Variants in SACS observed in about 807,000 individuals in gnomAD.
SACS encodes sacsin molecular chaperone.
Under a neutral mutation model 348.0 loss-of-function variants are expected in SACS, and 197 were observed. The ratio of observed to expected loss-of-function variants is 0.57; its 90% CI spans 0.50 to 0.64. The LOEUF is 0.64. Among genes scored for constraint, SACS ranks in the 30% least tolerant of loss-of-function variants. The pLI, the probability that SACS is intolerant of heterozygous loss-of-function variation, is 0.00. For missense variants in SACS, 4,999 were observed against 5,360.8 expected (o/e 0.93, Z 2.11); for synonymous variants, 1,985 against 1,910.6 (o/e 1.04, Z -1.02).
intron 2 of SACS, among the ~76,000 whole-genome samples, chr13:23,389,762 T>A (rs1269885091): frequency 2.6e-5 from 4 of 152,262 alleles, no homozygotes; most frequent in Admixed American, 2.6e-4. Flanking sequence ...AAATCTGTTC[T>A]TTTTGTATTC....
chr13:23,387,834 GAGGTACTATTAAGTA>G (rs1872358590), intron 2 of SACS, among the ~76,000 whole-genome samples: 1 of 152,132 alleles, frequency 6.6e-6, no homozygotes, highest in Admixed American at 6.5e-5. Flanking sequence ...ATATGGCGGT[GAGGTACTATTAAGTA>G]ATAATGTGTG....
chr13:23,354,962 C>A lies in SACS; in HGVS notation c.1650G>T (p.Glu550Asp), dbSNP rs1870248915. ...TCTGCAACAGCTCGCTGAATAGAGG[C>A]TCTAACACCGGTTGCCAGTGCACCT... ...KVKVHWQPVL[E>D]PLFSELLQNA... Residue 550 changes from glutamate (E) to aspartate (D), a missense_variant, in exon 8 of 10, where the codon GAG (glutamate) becomes GAT (aspartate). Physicochemically the swap from Glu to Asp is conservative, Grantham distance 45. Transcript: ENST00000382292. 1.2e-6 allele frequency: 2 copies of A among 1,614,228 alleles called. No homozygotes were observed. The highest frequency in any genetic ancestry group is 1.7e-5 in the Admixed American group (1 of 60,034).
chr13:23,432,713 T>G (rs1874484516), intron 1 of SACS, among the ~76,000 whole-genome samples: 1 of 152,198 alleles, frequency 6.6e-6, no homozygotes, highest in East Asian at 1.9e-4. Context: ...AATCAATTAC[T>G]TTTATCTGCA....
Position 23,337,263 on chromosome 13 carries a change from C to T in SACS, c.6613G>A (p.Asp2205Asn). 6.2e-7 allele frequency: 1 copy of T among 1,613,770 alleles called. No homozygotes were observed. Among genetic ancestry groups the T allele is most frequent in the East Asian group, 2.2e-5 (1 of 44,866 alleles). ...ATTGTTTGATATTTTGCAGCAAAAT[C>T]CTTTGCTCTAGGATCCCTTATTTTT... ...KLKIRDPRAK[D>N]FAAKYQTIRF... Residue 2205 changes from aspartate (D) to asparagine (N), a missense_variant, in exon 10 of 10, where the codon GAT becomes AAT. By Grantham distance (23) the Asp-to-Asn change is conservative. Around this residue, in one of 6 missense-constraint regions of SACS, gnomAD observed 3,156 missense variants for 3,380.1 expected, o/e 0.93. Coordinates refer to ENST00000382292, the MANE Select transcript of SACS (RefSeq NM_014363.6).
intron 2 of SACS, among the ~76,000 whole-genome samples, chr13:23,378,091 C>CA (rs1871887470): frequency 6.6e-6 from 1 of 152,124 alleles, no homozygotes; most frequent in Non-Finnish European, 1.5e-5. Context: ...TTTCTCCTTC[C>CA]AAAGAGGGCA....
chr13:23,355,089 A>G lies in SACS; in HGVS notation c.1523T>C (p.Leu508Pro). 1 of 1,614,220 alleles carries G rather than the reference A, an allele frequency of 6.2e-7. No homozygotes were observed. Among genetic ancestry groups the G allele is most frequent in the Non-Finnish European group, 8.5e-7 (1 of 1,180,036 alleles). The change falls in exon 8 of 10, where the codon CTG becomes CCG. Residue 508 changes from leucine to proline, a missense_variant. Leu to Pro is a moderately conservative substitution (Grantham distance 98, BLOSUM62 -3). Around this residue, in one of 6 missense-constraint regions of SACS, gnomAD observed 3,156 missense variants for 3,380.1 expected, o/e 0.93. Transcript: ENST00000382292. ...CAGACGTTTTATTGAATCTAAGATC[A>G]GAGTAGCATAAGCTTTGGGGACAAC... ...MNVVPKAYAT[L>P]ILDSIKRLEM...
At position 23,400,710 on chromosome 13, in the gene SACS, G is replaced by A. The variant is rs142305620; in HGVS notation, c.20+10510C>T. Among the ~76,000 whole-genome samples, 1,100 of 152,274 alleles carry A rather than the reference G, an allele frequency of 7.2e-3. 6 individuals carry two copies. Among genetic ancestry groups the A allele is most frequent in the African/African-American group, 0.025 (1,047 of 41,546 alleles). On this transcript the variant is annotated intron_variant, in intron 2 of 9. Coordinates refer to ENST00000382292, the MANE Select transcript of SACS (RefSeq NM_014363.6). ...GCTGTGATTACAGGCGTGAGCCACC[G>A]CGCCCGGCCAGTCACTTTGGTTAAA... is the stretch of plus-strand genomic sequence containing the variant.
At chr13:23,375,404 G>C (rs1428985560) in intron 2 of SACS, 135 bp from the exon 3 acceptor site, 1 of 1,231,860 alleles carries the variant, frequency 8.1e-7, no homozygotes, top group African/African-American at 1.6e-5. Flanking sequence ...CCTGACGCCG[G>C]CGCCCGATCA....
At position 23,340,341 on chromosome 13, in the gene SACS, T is replaced by C; in HGVS notation, c.3535A>G (p.Asn1179Asp). ...CACATATCTGGTGGTGCACAGAGAT[T>C]ACAGAGATCTCCTTTCCAGACCAAA... ...GSLVWKGDLC[N>D]LCAPPDMCDV... Residue 1179 changes from asparagine to aspartate, a missense_variant, in exon 10 of 10, where the codon AAT (asparagine) becomes GAT (aspartate). Around this residue, in one of 6 missense-constraint regions of SACS, gnomAD observed 3,156 missense variants for 3,380.1 expected, o/e 0.93. Transcript: ENST00000382292. 2 of 1,614,002 alleles carry C rather than the reference T, an allele frequency of 1.2e-6. No individual in the cohort carries two copies. Among genetic ancestry groups the C allele is most frequent in the South Asian group, 2.2e-5 (2 of 91,032 alleles).
chr13:23,411,166 A>T (rs1873463869), intron 2 of SACS, 54 bp downstream of exon 2: 2 of 1,490,264 alleles, frequency 1.3e-6, no homozygotes, highest in South Asian at 1.1e-5. Context: ...AAAATCCAAC[A>T]AGTCTTAAAA....
chr13:23,348,771 GAAC>G (rs1401016886), intron 9 of SACS, among the ~76,000 whole-genome samples: 2 of 152,098 alleles, frequency 1.3e-5, no homozygotes, highest in East Asian at 1.9e-4. Context: ...TAAGCAAAAG[GAAC>G]ACCATGTACA....
In SACS at chr13:23,346,958, T is replaced by C. The variant is rs1217943188; in HGVS notation, c.2186-5268A>G. 8.1e-5 allele frequency: 18 copies of C among 222,198 alleles called. No homozygotes were observed. The Admixed American group carries it at 1.2e-3, about 14-fold the overall frequency. 13.8% of individuals were successfully genotyped at this position (222,198 alleles called of 1,614,324 possible). A position where few individuals can be genotyped will look rare whatever the true frequency, so the allele number is the denominator to read the frequency against. ...TCTGTAGAATCTTTACAGATCCTTA[T>C]GTAAAAGAAAACCCAGAAACAAAAC... On this transcript the variant is annotated intron_variant, in intron 9 of 9. Coordinates refer to ENST00000382292, the MANE Select transcript of SACS (RefSeq NM_014363.6).
intron 9 of SACS, among the ~76,000 whole-genome samples, chr13:23,350,726 G>T (rs1427661060): frequency 2.0e-5 from 3 of 152,192 alleles, no homozygotes; most frequent in Admixed American, 2.0e-4. Context: ...TTACATGTCT[G>T]TGATGCTCCC....
In SACS at chr13:23,341,656, T is replaced by G. The variant is rs772849329; in HGVS notation, c.2220A>C (p.Pro740=). 3 of 1,613,406 alleles carry G rather than the reference T, an allele frequency of 1.9e-6. No homozygotes were observed. The South Asian group carries it at 3.3e-5, about 18-fold the overall frequency. Residue 740 remains proline (P), a synonymous_variant, in exon 10 of 10, where the codon CCA becomes CCC. Transcript: ENST00000382292. ...RPCTQLQLLN[P]ERFARLIKEV... is the part of the protein sequence containing the mutation. ...CCTTGATAAGACGTGCAAATCGTTC[T>G]GGATTTAGAAGCTGCAGCTGAGTAC...
rs1873476003 is a variant in SACS, at chr13:23,411,402, T to C, written c.-163A>G. 2.9e-6 allele frequency: 2 copies of C among 678,782 alleles called. No homozygotes were observed. Among genetic ancestry groups the C allele is most frequent in the Non-Finnish European group, 2.7e-6 (1 of 375,768 alleles). The allele number at this position is 678,782 out of a possible 1,614,324, so 42.0% of individuals were successfully genotyped here. ...TTTTCCCTTCAGTGTCCATTCATCA[T>C]CTGATGTCAGGAAACATTGTCGTGT... On this transcript the variant is annotated 5_prime_UTR_variant, in exon 2 of 10. The change abolishes an upstream ATG in the 5' untranslated region. Coordinates refer to ENST00000382292, the MANE Select transcript of SACS (RefSeq NM_014363.6).
intron 1 of SACS, among the ~76,000 whole-genome samples, chr13:23,425,017 A>G (rs1248765606): frequency 6.6e-6 from 1 of 152,228 alleles, no homozygotes; most frequent in Non-Finnish European, 1.5e-5. Context: ...CATTGTATCC[A>G]TCGGGGGCCT....
At chr13:23,352,447 A>C (rs1269205252) in intron 9 of SACS, among the ~76,000 whole-genome samples, 1 of 152,190 alleles carries the variant, frequency 6.6e-6, no homozygotes, top group Non-Finnish European at 1.5e-5. Flanking sequence ...GTCAGACTGA[A>C]AAAGGCAAGA....
rs942209831 is a variant in SACS, at chr13:23,329,253, G to GT, written c.*882dup. The stretch of plus-strand genomic sequence containing the variant: ...ACATGCCATATTGAAAGAAAAGGTT[G>GT]TTTTTTTTTTAACTGCAGCACCTTT... On this transcript the variant is annotated 3_prime_UTR_variant, in exon 10 of 10. Transcript: ENST00000382292. 0.011 allele frequency: 4,987 copies of GT among 443,144 alleles called. 1 individual carries two copies. The highest frequency in any genetic ancestry group is 0.019 in the South Asian group (489 of 26,244). The allele number at this position is 443,144 out of a possible 1,614,324, so 27.5% of individuals were successfully genotyped here.
Position 23,338,613 on chromosome 13 carries a change from T to C in SACS, c.5263A>G (p.Lys1755Glu), listed in dbSNP as rs192653633. The change falls in exon 10 of 10, where the codon AAG becomes GAG. Residue 1755 changes from lysine to glutamate, a missense_variant. Coordinates refer to ENST00000382292, the MANE Select transcript of SACS (RefSeq NM_014363.6). ...GTGATCTGAAGAATGCAAGATGACT[T>C]TGGTTCATCACTGGGAAGCTTTTTA... ...SNKKLPSDEP[K>E]SSCILQITVE... 1.2e-6 allele frequency: 2 copies of C among 1,614,158 alleles called. No individual in the cohort carries two copies. The highest frequency in any genetic ancestry group is 2.2e-5 in the East Asian group (1 of 44,886).
Sources: allele counts gnomAD v4.1 joint callset (sites outside exome capture counted in the v4.1 genomes callset), GRCh38; gene constraint gnomAD v4.1.1; regional missense constraint gnomAD v4.1.1; transcripts MANE v1.5; gene names NCBI Gene and HGNC (gene_info 2026-07-23, HGNC 2026-07-21).